Variants in CFTR observed in about 807,000 individuals in gnomAD.
CFTR encodes cystic fibrosis transmembrane conductance regulator.
Under a neutral mutation model 171.6 loss-of-function variants are expected in CFTR, and 181 were observed. The ratio of observed to expected loss-of-function variants is 1.05; its 90% confidence interval spans 0.93 to 1.19. CFTR has a LOEUF of 1.19. Ranked by LOEUF, CFTR falls within the 50% of genes most tolerant of loss-of-function variation. The probability of loss-of-function intolerance (pLI) is 0.00; values close to 1 mark genes in which losing one functional copy is unlikely to be tolerated. For synonymous variants in CFTR, 583 were observed against 608.0 expected, an observed-to-expected ratio of 0.96 and a Z score of 0.60; for missense variants, 1,968 against 1,734.7, an observed-to-expected ratio of 1.13 and a Z score of -2.39.
intron 11 of CFTR, among the ~76,000 whole-genome samples, chr7:117,569,024 G>A (rs898649780): frequency 1.3e-5 from 2 of 152,154 alleles, no homozygotes; most frequent in Non-Finnish European, 2.9e-5. Flanking sequence ...GAGGTGACCA[G>A]GGAACTTCCA....
intron 3 of CFTR, among the ~76,000 whole-genome samples, chr7:117,516,943 T>C (rs1391450485): frequency 6.6e-6 from 1 of 152,150 alleles, no homozygotes; most frequent in African/African-American, 2.4e-5. Flanking sequence ...AGCACATTTT[T>C]TCTTTTTCTT....
chr7:117,608,650 C>T (rs1792337555), intron 18 of CFTR, among the ~76,000 whole-genome samples: 1 of 152,142 alleles, frequency 6.6e-6, no homozygotes, highest in Admixed American at 6.5e-5. Flanking sequence ...AATCCAAATA[C>T]AGTACAAATT....
intron 21 of CFTR, among the ~76,000 whole-genome samples, chr7:117,620,699 C>T (rs543570442): frequency 2.6e-4 from 39 of 152,296 alleles, no homozygotes; most frequent in African/African-American, 9.4e-4. Context: ...AGAAAATTCA[C>T]TGGTCTTTGT....
At chr7:117,593,316 A>G (rs1040934531) in intron 14 of CFTR, among the ~76,000 whole-genome samples, 1 of 152,192 alleles carries the variant, frequency 6.6e-6, no homozygotes, top group Non-Finnish European at 1.5e-5. Context: ...GAAATAATAT[A>G]AAAAGGAGAG....
chr7:117,584,226 T>G (rs1791895260), intron 11 of CFTR, among the ~76,000 whole-genome samples: 1 of 152,186 alleles, frequency 6.6e-6, no homozygotes, highest in Admixed American at 6.5e-5. Flanking sequence ...TTTTGGGATC[T>G]TAGTCATGAA....
intron 18 of CFTR, among the ~76,000 whole-genome samples, chr7:117,608,619 T>A (rs1180532266): frequency 6.6e-6 from 1 of 152,226 alleles, no homozygotes; most frequent in Non-Finnish European, 1.5e-5. Context: ...AGTCTCATAT[T>A]AAGGAAGCAT....
chr7:117,571,354 G>T (rs1394034133), intron 11 of CFTR, among the ~76,000 whole-genome samples: 1 of 152,184 alleles, frequency 6.6e-6, no homozygotes, highest in African/African-American at 2.4e-5. Context: ...ACTGAGAAAA[G>T]AGTTTTTTTC....
chr7:117,518,062 T>G (rs551202904), intron 3 of CFTR, among the ~76,000 whole-genome samples: 4 of 151,130 alleles, frequency 2.6e-5, no homozygotes, highest in East Asian at 1.9e-4. Flanking sequence ...AGAGTTGTTG[T>G]GAGAATTAAA....
At chr7:117,666,396 G>T (rs889777831) in intron 26 of CFTR, among the ~76,000 whole-genome samples, 1 of 152,084 alleles carries the variant, frequency 6.6e-6, no homozygotes, top group Non-Finnish European at 1.5e-5. Context: ...AACAAATTAG[G>T]GGGGCAGACT....
intron 22 of CFTR, among the ~76,000 whole-genome samples, chr7:117,634,887 G>C (rs544574291): frequency 8.6e-5 from 13 of 152,014 alleles, no homozygotes; most frequent in Non-Finnish European, 1.6e-4. Flanking sequence ...CTATCTTGGT[G>C]AATGTTCCAT....
chr7:117,578,274 A>C lies in CFTR; in HGVS notation c.1585-9465A>C, dbSNP rs142721557. ...CCTCCTCAGCTGACTCAACATGAAA[A>C]CTATGAGGACGAAGACCTTTATGAA... is the stretch of plus-strand genomic sequence containing the variant. On this transcript the variant is annotated intron_variant, in intron 11 of 26. Transcript: ENST00000003084. Among the ~76,000 whole-genome samples, 328 of 152,050 alleles carry C rather than the reference A, an allele frequency of 2.2e-3. 3 individuals are homozygous for C. The highest frequency in any genetic ancestry group is 3.9e-3 in the Non-Finnish European group (264 of 67,970).
intron 1 of CFTR, among the ~76,000 whole-genome samples, chr7:117,489,508 T>G (rs139742880): frequency 7.9e-5 from 12 of 152,150 alleles, no homozygotes; most frequent in Non-Finnish European, 1.3e-4. Flanking sequence ...CATATGTGGC[T>G]TATTATTGTT....
chr7:117,583,884 G>T (rs183926347), intron 11 of CFTR, among the ~76,000 whole-genome samples: 1 of 152,070 alleles, frequency 6.6e-6, no homozygotes, highest in Non-Finnish European at 1.5e-5. Flanking sequence ...GAGTAAGATG[G>T]TATCTCATTG....
intron 10 of CFTR, among the ~76,000 whole-genome samples, chr7:117,550,748 TAA>T (rs1460936847): frequency 6.6e-6 from 1 of 152,220 alleles, no homozygotes; most frequent in Admixed American, 6.5e-5. Context: ...GCAGTTTTAT[TAA>T]AATTGATGAG....
In CFTR at chr7:117,667,435, C is replaced by T. The variant is rs1056469455; in HGVS notation, c.*327C>T. ...TGGAAAGGCAGCTCTAAATGTCAAT[C>T]AGCCTAGTTGATCAGCTTATTGTCT... On this transcript the variant is annotated 3_prime_UTR_variant, in exon 27 of 27. Transcript: ENST00000003084. 6 of 372,382 alleles carry T rather than the reference C, an allele frequency of 1.6e-5. No individual in the cohort carries two copies. The highest frequency in any genetic ancestry group is 1.3e-4 in the African/African-American group (6 of 47,382). 23.1% of individuals were successfully genotyped at this position (372,382 alleles called of 1,614,324 possible). A position where few individuals can be genotyped will look rare whatever the true frequency, so the allele number is the denominator to read the frequency against.
chr7:117,563,374 T>G (rs920440754), intron 11 of CFTR, among the ~76,000 whole-genome samples: 11 of 152,156 alleles, frequency 7.2e-5, no homozygotes, highest in African/African-American at 2.7e-4. Flanking sequence ...GATATGGTCA[T>G]GATGGACAGG....
At chr7:117,489,113 T>C (rs964870644) in intron 1 of CFTR, among the ~76,000 whole-genome samples, 2 of 152,072 alleles carry the variant, frequency 1.3e-5, no homozygotes, top group East Asian at 1.9e-4. Context: ...TACTAAGCAA[T>C]GTAATTAAAG....
chr7:117,532,288 A>G lies in CFTR; in HGVS notation c.489+1174A>G, dbSNP rs141863997. Among the ~76,000 whole-genome samples, 113 of 152,296 alleles carry G rather than the reference A, an allele frequency of 7.4e-4. No individual in the cohort carries two copies. In the East Asian group the frequency reaches 0.02, roughly 28 times the overall value. ...GAGAAGGTTGAATTCAGTTTAATAAATGTTTATAGAAAGTGCTTGTTATCA... is the reference window on the plus strand; with the variant it reads ...GAGAAGGTTGAATTCAGTTTAATAAGTGTTTATAGAAAGTGCTTGTTATCA... On this transcript the variant is annotated intron_variant, in intron 4 of 26. Transcript: ENST00000003084.
At chr7:117,509,414 A>G (rs1292296777) in intron 3 of CFTR, among the ~76,000 whole-genome samples, 1 of 152,182 alleles carries the variant, frequency 6.6e-6, no homozygotes, top group African/African-American at 2.4e-5. Flanking sequence ...ATGATTCCAA[A>G]TCACATTATC....
Sources: gnomAD v4.1 joint callset for allele counts (sites outside exome capture counted in the v4.1 genomes callset) on GRCh38, gnomAD v4.1.1 for gene constraint, MANE v1.5 for transcripts, NCBI Gene and HGNC (gene_info 2026-07-23, HGNC 2026-07-21) for gene names.